TDRD9: variants seen among roughly 807,000 people sequenced by gnomAD.
The protein encoded by TDRD9 is ATP-dependent RNA helicase TDRD9.
Under a neutral mutation model 172.6 loss-of-function variants are expected in TDRD9, and 124 were observed. That is an observed-to-expected ratio of 0.72 (90% confidence interval 0.62 to 0.83). The LOEUF (loss-of-function observed/expected upper bound fraction) is 0.83. Ranked by LOEUF, TDRD9 falls within the 40% of genes least tolerant of loss-of-function variation. The probability of loss-of-function intolerance (pLI) is 0.00; values close to 1 mark genes in which losing one functional copy is unlikely to be tolerated. For synonymous variants in TDRD9, 619 were observed against 617.1 expected (o/e 1.00, Z -0.05); for missense variants, 1,479 against 1,714.1 (o/e 0.86, Z 2.42).
intron 29 of TDRD9, 86 bp from the exon 30 acceptor site, chr14:104,031,931 A>G: frequency 1.1e-6 from 1 of 910,776 alleles, no homozygotes. Flanking sequence ...TTTCCTTTAA[A>G]GAATGAGCTG....
intron 34 of TDRD9, among the ~76,000 whole-genome samples, chr14:104,044,876 C>T (rs2035719838): frequency 6.6e-6 from 1 of 152,222 alleles, no homozygotes; most frequent in South Asian, 2.1e-4. Context: ...GACGTATTGG[C>T]TTACGCCTGT....
chr14:104,049,436 C>A (rs2035878331), intron 34 of TDRD9, 172 bp from the exon 35 acceptor site: 3 of 497,084 alleles, frequency 6.0e-6, no homozygotes, highest in Non-Finnish European at 1.0e-5. Context: ...TTTGAATATG[C>A]CATAGATTAA....
chr14:104,025,505 T>C, intron 25 of TDRD9, 59 bp from the exon 26 acceptor site: 1 of 1,396,032 alleles, frequency 7.2e-7, no homozygotes, highest in Non-Finnish European at 1.0e-6. Flanking sequence ...TCAAGCTCAT[T>C]TTCCTCCTTA....
intron 2 of TDRD9, among the ~76,000 whole-genome samples, chr14:103,959,205 A>C (rs1317826186): frequency 6.6e-6 from 1 of 151,974 alleles, no homozygotes; most frequent in African/African-American, 2.4e-5. Context: ...ACCGGACAGG[A>C]ATTGGTGATG....
intron 7 of TDRD9, among the ~76,000 whole-genome samples, chr14:103,978,546 G>T (rs2033347445): frequency 6.6e-6 from 1 of 152,138 alleles, no homozygotes. Context: ...CATTAGGTTT[G>T]GTCGCGATGT....
chr14:104,000,954 A>G (rs1358858443), intron 13 of TDRD9, among the ~76,000 whole-genome samples: 3 of 152,242 alleles, frequency 2.0e-5, no homozygotes, highest in South Asian at 4.1e-4. Context: ...TCTATAAGAT[A>G]TTGCAAAAAT....
At chr14:103,991,361 G>GT (rs2033858115) in intron 9 of TDRD9, 137 bp downstream of exon 9, 1 of 883,034 alleles carries the variant, frequency 1.1e-6, no homozygotes, top group South Asian at 1.9e-5. Context: ...GTGAACAAAT[G>GT]TAACTTTCAG....
chr14:103,952,610 T>TA (rs1191342475), intron 1 of TDRD9, among the ~76,000 whole-genome samples: 1 of 151,796 alleles, frequency 6.6e-6, no homozygotes, highest in Non-Finnish European at 1.5e-5. Context: ...GAGAAACTGA[T>TA]ATTGAATTTC....
intron 24 of TDRD9, among the ~76,000 whole-genome samples, chr14:104,022,761 TAAAA>T (rs1189987360): frequency 7.9e-6 from 1 of 126,788 alleles, no homozygotes; most frequent in Non-Finnish European, 1.8e-5. Flanking sequence ...AATAAATAAA[TAAAA>T]AAGCACTGGC....
intron 1 of TDRD9, among the ~76,000 whole-genome samples, chr14:103,939,634 T>C (rs1212905): frequency 8.3e-4 from 47 of 56,506 alleles, no homozygotes; most frequent in Admixed American, 1.8e-3. Flanking sequence ...TTGAAAATGG[T>C]ACACAAGTTG....
intron 2 of TDRD9, among the ~76,000 whole-genome samples, chr14:103,957,976 C>T (rs770330165): frequency 2.0e-5 from 3 of 152,124 alleles, no homozygotes; most frequent in South Asian, 2.1e-4. Flanking sequence ...TCTGGGCAGT[C>T]GGATCAACTA....
rs772832966 is a variant in TDRD9 at position 104,005,410 on chromosome 14, G to A, written c.1713+5G>A. 1 of 1,613,896 alleles carries A rather than the reference G, an allele frequency of 6.2e-7. No homozygotes were observed. The highest frequency in any genetic ancestry group is 8.5e-7 in the Non-Finnish European group (1 of 1,179,870). On this transcript the variant is annotated splice_donor_5th_base_variant and intron_variant, in intron 15 of 35. Transcript: ENST00000409874. ...ACCATCCTTCTACTAAAGGAGGTAG[G>A]ACTGCCTGCTGGTTAGTACTGTTGG... is the stretch of plus-strand genomic sequence containing the variant.
At chr14:104,034,539 G>T (rs954444539) in intron 31 of TDRD9, among the ~76,000 whole-genome samples, 1 of 152,194 alleles carries the variant, frequency 6.6e-6, no homozygotes, top group African/African-American at 2.4e-5. Context: ...CTGGTGCGAG[G>T]TTACGCGGTG....
chr14:103,962,995 T>A, intron 2 of TDRD9, 84 bp from the exon 3 acceptor site: 1 of 710,690 alleles, frequency 1.4e-6, no homozygotes, highest in Non-Finnish European at 2.4e-6. Flanking sequence ...TGTGTGTGTA[T>A]GCTGTATCTA....
At position 104,026,791 on chromosome 14, in the gene TDRD9, C is replaced by A; in HGVS notation, c.3134C>A (p.Thr1045Asn). ...QWFASLVSGC[T>N]LLVKVFSVVH... ...TTCGCCTCTCTGGTGAGCGGCTGCA[C>A]CCTCCTTGTGAAGGTCTTCTCTGTG... Residue 1045 changes from threonine to asparagine, a missense_variant, in exon 28 of 36, where the codon ACC (threonine) becomes AAC (asparagine). By Grantham distance (65) the Thr-to-Asn change is moderately conservative (BLOSUM62 0). Coordinates refer to ENST00000409874, the MANE Select transcript of TDRD9 (RefSeq NM_153046.3). 1 of 1,613,988 alleles carries A rather than the reference C, an allele frequency of 6.2e-7. No homozygotes were observed. Among genetic ancestry groups the A allele is most frequent in the Non-Finnish European group, 8.5e-7 (1 of 1,179,888 alleles).
intron 1 of TDRD9, among the ~76,000 whole-genome samples, chr14:103,948,053 G>A (rs903722547): frequency 6.6e-6 from 1 of 152,198 alleles, no homozygotes; most frequent in African/African-American, 2.4e-5. Flanking sequence ...TCACTCTGTT[G>A]CCTAGGCTGG....
intron 2 of TDRD9, among the ~76,000 whole-genome samples, chr14:103,960,955 G>A (rs2152139356): frequency 6.6e-6 from 1 of 152,258 alleles, no homozygotes; most frequent in South Asian, 2.1e-4. Flanking sequence ...AAGAATCTTT[G>A]TCACCTTCTT....
intron 5 of TDRD9, among the ~76,000 whole-genome samples, chr14:103,967,792 G>A (rs2032817126): frequency 6.6e-6 from 1 of 152,128 alleles, no homozygotes; most frequent in Non-Finnish European, 1.5e-5. Context: ...TTTTCTTTAT[G>A]ACTTATGGTA....
intron 13 of TDRD9, among the ~76,000 whole-genome samples, chr14:104,001,247 C>T (rs1018204214): frequency 6.6e-6 from 1 of 152,238 alleles, no homozygotes; most frequent in Non-Finnish European, 1.5e-5. Context: ...AACACTCTGT[C>T]TGTCAACTGG....
Sources: allele counts gnomAD v4.1 joint callset (sites outside exome capture counted in the v4.1 genomes callset), GRCh38; gene constraint gnomAD v4.1.1; transcripts MANE v1.5; gene names NCBI Gene and HGNC (gene_info 2026-07-23, HGNC 2026-07-21).